RARB: variants seen among roughly 807,000 people sequenced by gnomAD.
The protein encoded by RARB is HBV-activated protein.
A neutral mutation model predicts 51.9 loss-of-function variants in RARB; 17 were observed. The ratio of observed to expected loss-of-function variants is 0.33; its 90% CI spans 0.22 to 0.49. The LOEUF (loss-of-function observed/expected upper bound fraction) is 0.49, where lower values mean the gene tolerates loss of function less well. Among genes scored for constraint, RARB ranks in the 20% least tolerant of loss-of-function variants. The pLI, the probability that RARB is intolerant of heterozygous loss-of-function variation, is 0.99. For missense variants in RARB, 369 were observed against 550.8 expected (o/e 0.67, Z 3.30); for synonymous variants, 215 against 195.4 (o/e 1.10, Z -0.84).
At chr3:25,168,565 C>T (rs1022386137) in intron 4 of RARB, among the ~76,000 whole-genome samples, 9 of 151,732 alleles carry the variant, frequency 5.9e-5, no homozygotes, top group South Asian at 2.1e-4. Flanking sequence ...TCAGAAAATA[C>T]GTGGCAGTCA....
At chr3:24,993,133 T>C (rs930202486) in intron 2 of RARB, among the ~76,000 whole-genome samples, 1 of 152,178 alleles carries the variant, frequency 6.6e-6, no homozygotes, top group African/African-American at 2.4e-5. Flanking sequence ...ATTCACTTTT[T>C]TCTTTATATA....
At chr3:25,426,461 T>C (rs1185187361), upstream of RARB, among the ~76,000 whole-genome samples, 1 of 152,244 alleles carries the variant, frequency 6.6e-6, no homozygotes, top group Non-Finnish European at 1.5e-5. Flanking sequence ...ATGCATACTT[T>C]TCATGTTACA....
intron 5 of RARB, among the ~76,000 whole-genome samples, chr3:25,237,188 A>G (rs1702321933): frequency 6.6e-6 from 1 of 152,064 alleles, no homozygotes; most frequent in African/African-American, 2.4e-5. Context: ...ATAAAACAAT[A>G]CTCATTATGC....
intron 1 of RARB, among the ~76,000 whole-genome samples, chr3:25,440,460 A>T (rs1001056891): frequency 3.3e-5 from 5 of 151,970 alleles, no homozygotes; most frequent in East Asian, 1.9e-4. Flanking sequence ...AATAAAAAAA[A>T]AAAAAGAAAT....
chr3:25,300,140 CTG>C (rs1704006292), intron 5 of RARB, among the ~76,000 whole-genome samples: 1 of 152,202 alleles, frequency 6.6e-6, no homozygotes, highest in Non-Finnish European at 1.5e-5. Context: ...TAAATTTAAC[CTG>C]TGTTTCTGTT....
intron 2 of RARB, among the ~76,000 whole-genome samples, chr3:25,046,851 T>G (rs1197692431): frequency 6.6e-6 from 1 of 152,194 alleles, no homozygotes; most frequent in Non-Finnish European, 1.5e-5. Context: ...TGCATATAAT[T>G]TATAAGTTAA....
chr3:24,995,392 T>G (rs1450535742), intron 2 of RARB, among the ~76,000 whole-genome samples: 1 of 152,104 alleles, frequency 6.6e-6, no homozygotes, highest in East Asian at 1.9e-4. Flanking sequence ...GGTTTTTCTA[T>G]GTATAATATG....
At chr3:24,984,978 C>T (rs914950981) in intron 2 of RARB, among the ~76,000 whole-genome samples, 3 of 152,148 alleles carry the variant, frequency 2.0e-5, no homozygotes, top group Admixed American at 2.0e-4. Flanking sequence ...TCAGTTTTTT[C>T]GACTGGAAAG....
intron 5 of RARB, among the ~76,000 whole-genome samples, chr3:25,213,190 C>CA (rs1701741046): frequency 6.6e-6 from 1 of 151,984 alleles, no homozygotes; most frequent in Non-Finnish European, 1.5e-5. Context: ...AGAAAATTAC[C>CA]AGCACCTGAC....
At position 25,092,545 on chromosome 3, in the gene RARB, T is replaced by A. The variant is rs116027208; in HGVS notation, c.-328+32369T>A. Among the ~76,000 whole-genome samples, 980 of 152,220 alleles carry A rather than the reference T, an allele frequency of 6.4e-3. 9 individuals are homozygous for A. Among genetic ancestry groups the A allele is most frequent in the African/African-American group, 0.022 (894 of 41,548 alleles). On this transcript the variant is annotated intron_variant, in intron 3 of 11. Transcript: ENST00000383772. ...TGCCTGTAAAGTATACAATAACTGTTAACTCCAGCCCTCTCCCCACACCAC... is the reference window on the plus strand; with the variant it reads ...TGCCTGTAAAGTATACAATAACTGTAAACTCCAGCCCTCTCCCCACACCAC...
intron 2 of RARB, among the ~76,000 whole-genome samples, chr3:24,948,782 C>T (rs1212008169): frequency 6.6e-6 from 1 of 152,058 alleles, no homozygotes; most frequent in African/African-American, 2.4e-5. Context: ...TCTGGCGGGA[C>T]CTCCCCCTTC....
intron 5 of RARB, among the ~76,000 whole-genome samples, chr3:25,243,289 A>G (rs777808150): frequency 6.6e-6 from 1 of 152,194 alleles, no homozygotes; most frequent in African/African-American, 2.4e-5. Flanking sequence ...TCCTGTTTGA[A>G]TACCCTTTAT....
chr3:25,343,288 C>T (rs1397870417), intron 5 of RARB, among the ~76,000 whole-genome samples: 1 of 152,064 alleles, frequency 6.6e-6, no homozygotes, highest in African/African-American at 2.4e-5. Flanking sequence ...CTCTCAGTTT[C>T]TCTGGTCCCA....
intron 5 of RARB, among the ~76,000 whole-genome samples, chr3:25,349,878 G>A (rs961831914): frequency 1.4e-4 from 22 of 152,112 alleles, no homozygotes; most frequent in African/African-American, 5.3e-4. Flanking sequence ...TGTAGGGTCA[G>A]CTAGGGTGGC....
intron 2 of RARB, among the ~76,000 whole-genome samples, chr3:24,971,719 A>G (rs1047471482): frequency 6.6e-6 from 1 of 152,032 alleles, no homozygotes; most frequent in African/African-American, 2.4e-5. Context: ...AGGATAATCA[A>G]CATTTTTATT....
chr3:25,277,519 G>A (rs1347867760), intron 5 of RARB, among the ~76,000 whole-genome samples: 1 of 152,186 alleles, frequency 6.6e-6, no homozygotes, highest in Non-Finnish European at 1.5e-5. Flanking sequence ...TTTGTCCTCA[G>A]AAGACTCTCA....
At chr3:25,117,214 A>C (rs530119445) in intron 3 of RARB, among the ~76,000 whole-genome samples, 1 of 152,286 alleles carries the variant, frequency 6.6e-6, no homozygotes, top group East Asian at 1.9e-4. Flanking sequence ...AAGTAACTAA[A>C]ATCAAATATG....
intron 5 of RARB, among the ~76,000 whole-genome samples, chr3:25,224,862 C>A (rs1300849376): frequency 6.6e-6 from 1 of 152,098 alleles, no homozygotes; most frequent in African/African-American, 2.4e-5. Context: ...GCCTCAGCCT[C>A]CCAAAATGCC....
rs139302916 is a variant in RARB, at chr3:25,087,959, T to G, written c.-328+27783T>G. On this transcript the variant is annotated intron_variant, in intron 3 of 11. Coordinates refer to the RARB transcript ENST00000383772. Reference sequence around the variant, plus strand: ...AAACAGTATCTGAAACAAAGGAAATTAAATTCTCCTAAGTATAGGAACAAA... The same window carrying G: ...AAACAGTATCTGAAACAAAGGAAATGAAATTCTCCTAAGTATAGGAACAAA... 1.9e-4 allele frequency among the ~76,000 whole-genome samples: 29 copies of G among 151,962 alleles called. No homozygotes were observed. The East Asian group carries it at 5.6e-3, about 30-fold the overall frequency.
Sources: allele counts gnomAD v4.1 joint callset (sites outside exome capture counted in the v4.1 genomes callset), GRCh38; gene constraint gnomAD v4.1.1; transcripts MANE v1.5; gene names NCBI Gene and HGNC (gene_info 2026-07-23, HGNC 2026-07-21).